ABTB3: variants seen among roughly 807,000 people sequenced by gnomAD.
ABTB3 encodes the protein ankyrin repeat- and BTB/POZ domain-containing protein 3.
At chr12:107,612,956 C>G in the ABTB3 span, 7 of 1,268,202 alleles carry the variant, frequency 5.5e-6, no homozygotes, top group Non-Finnish European at 7.8e-6. Context: ...CTCCCAAGAG[C>G]TGCCACTGAG....
chr12:107,481,925 C>CTCTCTT, the ABTB3 span, among the ~76,000 whole-genome samples: 2 of 148,672 alleles, frequency 1.3e-5, no homozygotes, highest in Non-Finnish European at 3.0e-5. Context: ...CTCTCTCTCT[C>CTCTCTT]TCTTTCTTTC....
the ABTB3 span, among the ~76,000 whole-genome samples, chr12:107,417,825 T>C: frequency 6.6e-6 from 1 of 152,232 alleles, no homozygotes; most frequent in Non-Finnish European, 1.5e-5. Context: ...TTAATTCCTG[T>C]GTGCATCTGA....
At chr12:107,332,627 G>A in the ABTB3 span, among the ~76,000 whole-genome samples, 1 of 152,214 alleles carries the variant, frequency 6.6e-6, no homozygotes, top group Non-Finnish European at 1.5e-5. Context: ...TGTCACCCCT[G>A]TCAGGGGCAG....
the ABTB3 span, among the ~76,000 whole-genome samples, chr12:107,482,839 CTTTCT>C: frequency 6.8e-6 from 1 of 148,024 alleles, no homozygotes; most frequent in Non-Finnish European, 1.5e-5. Context: ...TTCTTTCTTT[CTTTCT>C]TTTCTTCTCT....
At chr12:107,332,446 C>T in the ABTB3 span, among the ~76,000 whole-genome samples, 1 of 152,204 alleles carries the variant, frequency 6.6e-6, no homozygotes, top group East Asian at 1.9e-4. Flanking sequence ...GATAGACTTG[C>T]TCAAAGTCCT....
chr12:107,487,450 G>A, the ABTB3 span, among the ~76,000 whole-genome samples: 1 of 152,158 alleles, frequency 6.6e-6, no homozygotes, highest in Non-Finnish European at 1.5e-5. Flanking sequence ...CTAGGAAAAG[G>A]TCAGCCAAAC....
the ABTB3 span, among the ~76,000 whole-genome samples, chr12:107,431,666 G>T: frequency 6.6e-6 from 1 of 152,308 alleles, no homozygotes; most frequent in East Asian, 1.9e-4. Flanking sequence ...ACTGCAAACT[G>T]TGACTTTTGT....
the ABTB3 span, among the ~76,000 whole-genome samples, chr12:107,521,812 C>A: frequency 6.6e-6 from 1 of 151,782 alleles, no homozygotes; most frequent in Non-Finnish European, 1.5e-5. Flanking sequence ...CTCCAGGTAT[C>A]CCCATGGCTC....
At chr12:107,501,824 A>G in the ABTB3 span, among the ~76,000 whole-genome samples, 4 of 152,126 alleles carry the variant, frequency 2.6e-5, no homozygotes, top group African/African-American at 9.7e-5. Context: ...AACACCACGG[A>G]GCCCTGAATC....
the ABTB3 span, among the ~76,000 whole-genome samples, chr12:107,427,319 T>C: frequency 6.6e-6 from 1 of 152,092 alleles, no homozygotes; most frequent in East Asian, 1.9e-4. Context: ...TCTTGCTCTG[T>C]TGCCCAGGCT....
chr12:107,514,992 C>T, the ABTB3 span, among the ~76,000 whole-genome samples: 1 of 152,328 alleles, frequency 6.6e-6, no homozygotes, highest in Admixed American at 6.5e-5. Context: ...ATGCAAAATA[C>T]TTTGATACAC....
the ABTB3 span, among the ~76,000 whole-genome samples, chr12:107,655,674 C>T: frequency 6.6e-6 from 1 of 152,218 alleles, no homozygotes; most frequent in Non-Finnish European, 1.5e-5. Context: ...TACATCTAAC[C>T]GTTTGAGACA....
At chr12:107,391,606 T>A in the ABTB3 span, among the ~76,000 whole-genome samples, 20 of 152,222 alleles carry the variant, frequency 1.3e-4, no homozygotes, top group Admixed American at 7.9e-4. Context: ...AGCACACATG[T>A]GGACCCCAGA....
At chr12:107,533,074 A>C in the ABTB3 span, among the ~76,000 whole-genome samples, 1 of 152,242 alleles carries the variant, frequency 6.6e-6, no homozygotes, top group Non-Finnish European at 1.5e-5. Context: ...CCTGAAAAAA[A>C]ACACATGAAT....
the ABTB3 span, chr12:107,618,277 C>G: frequency 6.2e-7 from 1 of 1,613,936 alleles, no homozygotes; most frequent in Non-Finnish European, 8.5e-7. Context: ...CCCTTGTGCG[C>G]CAGCCGCAAC....
the ABTB3 span, chr12:107,617,253 A>G: frequency 8.7e-6 from 14 of 1,613,556 alleles, no homozygotes; most frequent in Non-Finnish European, 1.2e-5. Flanking sequence ...GCCTGTGACT[A>G]TATTTTTGCT....
At chr12:107,478,572 C>A in the ABTB3 span, among the ~76,000 whole-genome samples, 1 of 152,146 alleles carries the variant, frequency 6.6e-6, no homozygotes, top group African/African-American at 2.4e-5. Context: ...TCATAGTGGA[C>A]AACTGCTGAA....
the ABTB3 span, among the ~76,000 whole-genome samples, chr12:107,497,430 TATC>T: frequency 2.7e-5 from 4 of 147,660 alleles, no homozygotes; most frequent in Non-Finnish European, 3.0e-5. Context: ...TTATCAACAT[TATC>T]ATCATCACCA....
the ABTB3 span, among the ~76,000 whole-genome samples, chr12:107,396,882 G>A: frequency 1.3e-5 from 2 of 152,254 alleles, no homozygotes; most frequent in East Asian, 1.9e-4. Context: ...GTCTCTATGT[G>A]TTCATAAATC....
Sources: allele counts gnomAD v4.1 joint callset (sites outside exome capture counted in the v4.1 genomes callset), GRCh38; gene constraint gnomAD v4.1.1; transcripts MANE v1.5; gene names NCBI Gene and HGNC (gene_info 2026-07-23, HGNC 2026-07-21).